The following CDH23 variants were observed in gnomAD, a reference collection of about 807,000 sequenced individuals.
CDH23 encodes cadherin-23.
Under a neutral mutation model 317.1 loss-of-function variants are expected in CDH23, and 189 were observed. That is an observed-to-expected ratio of 0.60 (90% CI 0.53 to 0.67). CDH23 has a LOEUF of 0.67. CDH23 is among the 30% of genes least tolerant of loss of function. The pLI, the probability that CDH23 is intolerant of heterozygous loss-of-function variation, is 0.00. For synonymous variants in CDH23, 1,839 were observed against 1,876.8 expected (o/e 0.98, Z 0.52); for missense variants, 4,401 against 4,592.4 (o/e 0.96, Z 1.20).
In CDH23 at chr10:71,687,681, C is replaced by T; in HGVS notation, c.2021C>T (p.Pro674Leu). The T allele has an allele frequency of 6.2e-7, 1 of 1,613,910 alleles. No homozygotes were observed. The highest frequency in any genetic ancestry group is 8.5e-7 in the Non-Finnish European group (1 of 1,179,880). Residue 674 changes from proline (P) to leucine (L), a missense_variant, in exon 19 of 70, where the codon CCC becomes CTC. Pro to Leu is a moderately conservative substitution (Grantham distance 98). Coordinates refer to ENST00000224721, the MANE Select transcript of CDH23 (RefSeq NM_022124.6). ...ENDNPPTFSK[P>L]AYFVSVVENI... is the part of the protein sequence containing the mutation. ...GACAACCCTCCCACCTTCAGCAAGCCCGCCTACTTCGTCTCCGTGGTGGAG... is the reference window on the plus strand; with the variant it reads ...GACAACCCTCCCACCTTCAGCAAGCTCGCCTACTTCGTCTCCGTGGTGGAG...
At chr10:71,497,605 T>C (rs1853048330) in intron 3 of CDH23, among the ~76,000 whole-genome samples, 2 of 152,138 alleles carry the variant, frequency 1.3e-5, no homozygotes, top group Non-Finnish European at 2.9e-5. Context: ...GGGAGCCGGG[T>C]TGGGTCTTCT....
intron 9 of CDH23, among the ~76,000 whole-genome samples, chr10:71,591,979 T>G (rs1223067026): frequency 6.6e-6 from 1 of 151,900 alleles, no homozygotes; most frequent in Non-Finnish European, 1.5e-5. Context: ...AGCAAAGGCT[T>G]AGAGGGAGGA....
At chr10:71,682,369 C>T in intron 17 of CDH23, 76 bp from the exon 18 acceptor site, 1 of 1,564,024 alleles carries the variant, frequency 6.4e-7, no homozygotes, top group Non-Finnish European at 8.7e-7. Context: ...AACTTCTCTG[C>T]CCAAAGGGGA....
chr10:71,814,655 C>T (rs1394264760), intron 69 of CDH23, among the ~76,000 whole-genome samples: 2 of 150,346 alleles, frequency 1.3e-5, no homozygotes, highest in East Asian at 3.9e-4. Context: ...TACACACACA[C>T]ACACACAATT....
At chr10:71,726,118 GGTT>G (rs1390925503) in intron 30 of CDH23, among the ~76,000 whole-genome samples, 3 of 152,142 alleles carry the variant, frequency 2.0e-5, no homozygotes, top group African/African-American at 7.2e-5. Flanking sequence ...TGTTCCCACT[GGTT>G]GTGTTATGTG....
intron 6 of CDH23, among the ~76,000 whole-genome samples, chr10:71,562,153 A>C (rs1388990561): frequency 8.2e-6 from 1 of 122,100 alleles, no homozygotes; most frequent in Non-Finnish European, 1.7e-5. Context: ...CCCGAACCCC[A>C]CCCCAGACAC....
At chr10:71,813,474 G>A (rs1842012618) in intron 69 of CDH23, 126 bp downstream of exon 69, 1 of 825,006 alleles carries the variant, frequency 1.2e-6, no homozygotes, top group Non-Finnish European at 2.0e-6. Flanking sequence ...AGACAGCAAT[G>A]GGTGGGGGCC....
At chr10:71,644,264 T>C (rs1011531104) in intron 12 of CDH23, among the ~76,000 whole-genome samples, 11 of 152,192 alleles carry the variant, frequency 7.2e-5, no homozygotes, top group Admixed American at 3.9e-4. Context: ...AGAGAGGGCT[T>C]AGGGAGCTCA....
rs1861121696 is a variant in CDH23 at position 71,615,353 on chromosome 10, A to G, written c.833-151A>G. On this transcript the variant is annotated intron_variant, in intron 9 of 69. Coordinates refer to ENST00000224721, the MANE Select transcript of CDH23 (RefSeq NM_022124.6). ...CTCCATGGACTCCAGGGCTCTTTCT[A>G]TTACTCTTGAACCAGCATTCATTTC... 5.9e-6 allele frequency: 4 copies of G among 678,440 alleles called. No individual in the cohort carries two copies. In the Admixed American group the frequency reaches 8.2e-5, roughly 14 times the overall value. 42.0% of individuals were successfully genotyped at this position (678,440 alleles called of 1,614,324 possible).
chr10:71,533,436 G>GA (rs1855513309), intron 6 of CDH23, among the ~76,000 whole-genome samples: 1 of 151,880 alleles, frequency 6.6e-6, no homozygotes, highest in Admixed American at 6.6e-5. Flanking sequence ...ACACACAAAT[G>GA]AAACACCGCC....
intron 48 of CDH23, 43 bp downstream of exon 48, chr10:71,793,683 G>T: frequency 7.1e-7 from 1 of 1,401,548 alleles, no homozygotes; most frequent in Non-Finnish European, 9.6e-7. Flanking sequence ...CCAGCTCCCA[G>T]TCCTGTCTCC....
At chr10:71,531,322 C>T (rs1174022215) in intron 6 of CDH23, among the ~76,000 whole-genome samples, 2 of 152,210 alleles carry the variant, frequency 1.3e-5, no homozygotes, top group East Asian at 3.9e-4. Context: ...TTTGCCAGTG[C>T]AAACAATCGG....
chr10:71,636,212 T>C (rs1417389306), intron 11 of CDH23, among the ~76,000 whole-genome samples: 3 of 151,930 alleles, frequency 2.0e-5, no homozygotes, highest in South Asian at 4.2e-4. Context: ...GCTGGAGTCA[T>C]GGAAAGCAGT....
Position 71,815,712 on chromosome 10 carries a change from G to A in CDH23, c.*434G>A, listed in dbSNP as rs529522213. 205 of 162,236 alleles carry A rather than the reference G, an allele frequency of 1.3e-3. No individual in the cohort carries two copies. Among genetic ancestry groups the A allele is most frequent in the Non-Finnish European group, 2.0e-3 (153 of 74,650 alleles). The allele number at this position is 162,236 out of a possible 1,614,324, so 10.0% of individuals were successfully genotyped here. A position where few individuals can be genotyped will look rare whatever the true frequency, so the allele number is the denominator to read the frequency against. ...GACATCCCCTGCTGGCCGGACACCC[G>A]ACTCCAGTCCAAGTCTCGCTACATT... On this transcript the variant is annotated 3_prime_UTR_variant, in exon 70 of 70. Coordinates refer to ENST00000224721, the MANE Select transcript of CDH23 (RefSeq NM_022124.6).
chr10:71,684,134 C>A (rs557196498), intron 18 of CDH23, among the ~76,000 whole-genome samples: 2 of 150,026 alleles, frequency 1.3e-5, no homozygotes, highest in African/African-American at 4.9e-5. Flanking sequence ...CTGACTCGAA[C>A]CTGTAACCTC....
chr10:71,730,181 G>A lies in CDH23; in HGVS notation c.3580-288G>A, dbSNP rs577801959. ...ACCACTTTATAGCTGGGAAACTGGGGGCCCCAAAGAGTCACTAATTAGTCA... is the reference window on the plus strand; with the variant it reads ...ACCACTTTATAGCTGGGAAACTGGGAGCCCCAAAGAGTCACTAATTAGTCA... On this transcript the variant is annotated intron_variant, in intron 30 of 69. Transcript: ENST00000224721. 1.6e-3 allele frequency among the ~76,000 whole-genome samples: 243 copies of A among 152,208 alleles called. 6 individuals carry two copies. The South Asian group carries it at 0.05, about 31-fold the overall frequency.
intron 24 of CDH23, among the ~76,000 whole-genome samples, chr10:71,703,742 C>T (rs1266774569): frequency 2.0e-5 from 3 of 152,122 alleles, no homozygotes; most frequent in African/African-American, 7.2e-5. Context: ...TTTGGCAGGT[C>T]CCCAAACTCC....
chr10:71,560,565 CTG>C (rs1352818066), intron 6 of CDH23, among the ~76,000 whole-genome samples: 11 of 152,278 alleles, frequency 7.2e-5, no homozygotes, highest in Middle Eastern at 3.4e-3. Flanking sequence ...CACTTACAAT[CTG>C]TGCGACCTTG....
chr10:71,809,167 C>CTTTTTTT (rs61078259), intron 60 of CDH23, among the ~76,000 whole-genome samples: 77 of 68,820 alleles, frequency 1.1e-3, no homozygotes, highest in East Asian at 3.1e-3. Flanking sequence ...TTTCTTTTTC[C>CTTTTTTT]TTTTTTTTTT....
Sources: allele counts gnomAD v4.1 joint callset (sites outside exome capture counted in the v4.1 genomes callset), GRCh38; gene constraint gnomAD v4.1.1; transcripts MANE v1.5; gene names NCBI Gene and HGNC (gene_info 2026-07-23, HGNC 2026-07-21).